The following SLIRP variants were observed in gnomAD, a reference collection of about 807,000 sequenced individuals.
The protein encoded by SLIRP is SRA stem-loop-interacting RNA-binding protein, mitochondrial.
In SLIRP, 12 loss-of-function variants were observed where a neutral mutation model predicts 13.4. The ratio of observed to expected loss-of-function variants is 0.89; its 90% CI spans 0.57 to 1.45. The LOEUF (loss-of-function observed/expected upper bound fraction) is 1.45, where lower values mean the gene tolerates loss of function less well. Ranked by LOEUF, SLIRP falls within the 40% of genes most tolerant of loss-of-function variation. The pLI, the probability that SLIRP is intolerant of heterozygous loss-of-function variation, is 0.00. For synonymous variants in SLIRP, 55 were observed against 47.1 expected (o/e 1.17, Z -0.69); for missense variants, 154 against 132.2 (o/e 1.17, Z -0.81).
At chr14:77,714,149 T>C (rs1228238279) in intron 2 of SLIRP, among the ~76,000 whole-genome samples, 1 of 151,696 alleles carries the variant, frequency 6.6e-6, no homozygotes, top group Admixed American at 6.6e-5. Context: ...CTGGGATTAG[T>C]CGTGTGCCAC....
chr14:77,708,207 G>A lies in SLIRP; in HGVS notation c.96G>A (p.Ser32=), dbSNP rs1450220994. Residue 32 remains serine (S), a splice_region_variant and synonymous_variant, in exon 1 of 4, where the codon TCG becomes TCA. Transcript: ENST00000557342. The part of the protein sequence containing the change: ...FVRRIPWTAA[S]SQLKEHFAQF... ...GAAGAATTCCTTGGACTGCGGCGTC[G>A]AGTGAGTGATGGAGATGTGGGAGTA... 1.2e-6 allele frequency: 2 copies of A among 1,614,124 alleles called. No individual in the cohort carries two copies. Among genetic ancestry groups the A allele is most frequent in the East Asian group, 2.2e-5 (1 of 44,884 alleles).
rs1372534747 is a variant in SLIRP at position 77,717,387 on chromosome 14, ACTGC to A, written c.265-105_265-102del. The A allele has an allele frequency of 6.6e-6, 6 of 905,144 alleles. No homozygotes were observed. The African/African-American group carries it at 8.4e-5, about 13-fold the overall frequency. 56.1% of individuals were successfully genotyped at this position (905,144 alleles called of 1,614,324 possible). ...ACGAAAGAACAAGGGACAAATAAAA[ACTGC>A]CTGGGTTATTCATTATTCATACTGA... On this transcript the variant is annotated intron_variant, in intron 3 of 3. Transcript: ENST00000557342.
intron 3 of SLIRP, among the ~76,000 whole-genome samples, chr14:77,717,227 A>G (rs555674750): frequency 6.6e-6 from 1 of 152,180 alleles, no homozygotes; most frequent in African/African-American, 2.4e-5. Context: ...GCCTCAAGCA[A>G]TCCTCTTGCC....
At chr14:77,717,253 G>A (rs2080493247) in intron 3 of SLIRP, among the ~76,000 whole-genome samples, 1 of 152,206 alleles carries the variant, frequency 6.6e-6, no homozygotes, top group Admixed American at 6.5e-5. Context: ...TTGCCAAAAT[G>A]CTGGCATTAC....
chr14:77,717,439 G>A, intron 3 of SLIRP, 57 bp from the exon 4 acceptor site: 1 of 1,442,832 alleles, frequency 6.9e-7, no homozygotes. Context: ...GTGATTTTCA[G>A]TTTGAATGTT....
chr14:77,717,207 T>A (rs2080492694), intron 3 of SLIRP, among the ~76,000 whole-genome samples: 1 of 152,186 alleles, frequency 6.6e-6, no homozygotes, highest in Non-Finnish European at 1.5e-5. Context: ...AGGGTGGTGT[T>A]GAACTCCTGG....
At chr14:77,710,682 T>C (rs2080432987) in intron 1 of SLIRP, 156 bp from the exon 2 acceptor site, 3 of 1,553,738 alleles carry the variant, frequency 1.9e-6, no homozygotes, top group African/African-American at 1.4e-5. Context: ...TATGGCTTTA[T>C]AGTCAGTACC....
At position 77,715,872 on chromosome 14, in the gene SLIRP, G is replaced by T. The variant is rs764243743; in HGVS notation, c.257G>T (p.Gly86Val). ...ALQQENHIID[G>V]VKVQVHTRRP... is the part of the protein sequence containing the mutation. ...CAACAGGAAAATCATATTATAGATG[G>T]AGTAAAGGTAAATTTATTTCTATGC... Residue 86 changes from glycine (G) to valine (V), a missense_variant, in exon 3 of 4, where the codon GGA becomes GTA. Coordinates refer to ENST00000557342, the MANE Select transcript of SLIRP (RefSeq NM_031210.6). 2 of 1,611,544 alleles carry T rather than the reference G, an allele frequency of 1.2e-6. No homozygotes were observed. Among genetic ancestry groups the T allele is most frequent in the East Asian group, 4.5e-5 (2 of 44,852 alleles).
chr14:77,713,062 A>G (rs1321851818), intron 2 of SLIRP, among the ~76,000 whole-genome samples: 1 of 152,194 alleles, frequency 6.6e-6, no homozygotes, highest in Non-Finnish European at 1.5e-5. Context: ...AACATGGGGA[A>G]TGCATGGAGA....
intron 2 of SLIRP, among the ~76,000 whole-genome samples, chr14:77,711,214 T>A (rs895395828): frequency 8.4e-6 from 1 of 119,348 alleles, no homozygotes; most frequent in Non-Finnish European, 1.8e-5. Context: ...TTTATATATA[T>A]AAATATATAA....
intron 2 of SLIRP, among the ~76,000 whole-genome samples, chr14:77,715,319 A>AAC (rs1288002271): frequency 6.6e-6 from 1 of 152,164 alleles, no homozygotes; most frequent in Admixed American, 6.5e-5. Flanking sequence ...AAGGGTGTAA[A>AAC]GCAAGGTTAC....
Position 77,712,440 on chromosome 14 carries a change from ATTTTTTTTTTTTT to A in SLIRP, c.156+1554_156+1566del, listed in dbSNP as rs55773743. ...AGGCATGCGCCACCACGACCGGCTAATTTTTTTTTTTTTTTTTTTTTTGAGACGGAGTCTCACT... is the reference window on the plus strand; with the variant it reads ...AGGCATGCGCCACCACGACCGGCTAATTTTTTTTTGAGACGGAGTCTCACT... On this transcript the variant is annotated intron_variant, in intron 2 of 3. Transcript: ENST00000557342. 4.6e-5 allele frequency among the ~76,000 whole-genome samples: 4 copies of A among 87,154 alleles called. No individual in the cohort carries two copies. In the East Asian group the frequency reaches 1.2e-3, roughly 26 times the overall value. The allele number at this position is 87,154 out of a possible 152,430, so 57.2% of individuals were successfully genotyped here. A position where few individuals can be genotyped will look rare whatever the true frequency, so the allele number is the denominator to read the frequency against.
intron 3 of SLIRP, 116 bp downstream of exon 3, chr14:77,715,995 C>T: frequency 1.2e-6 from 1 of 850,682 alleles, no homozygotes; most frequent in East Asian, 2.7e-5. Context: ...AGATTTGTAA[C>T]TGAAGCTGCC....
chr14:77,710,951 A>G (rs1277001137), intron 2 of SLIRP, 55 bp downstream of exon 2: 37 of 1,449,996 alleles, frequency 2.6e-5, no homozygotes, highest in Non-Finnish European at 3.6e-5. Flanking sequence ...GGTACAAAAA[A>G]AATAGAATGA....
rs2080494028 is a variant in SLIRP, at chr14:77,717,345, A to T, written c.265-151A>T. The T allele has an allele frequency of 6.0e-5, 41 of 681,970 alleles. No individual in the cohort carries two copies. In the South Asian group the frequency reaches 7.4e-4, roughly 12 times the overall value. The allele number at this position is 681,970 out of a possible 1,614,324, so 42.2% of individuals were successfully genotyped here. ...TCATAATACCAACAAAGATGGTAAA[A>T]GGAATTTGAGGAGAAAACGAAAGAA... On this transcript the variant is annotated intron_variant, in intron 3 of 3. Coordinates refer to ENST00000557342, the MANE Select transcript of SLIRP (RefSeq NM_031210.6).
At chr14:77,713,472 TATAGTGC>T (rs1466228836) in intron 2 of SLIRP, among the ~76,000 whole-genome samples, 1 of 152,242 alleles carries the variant, frequency 6.6e-6, no homozygotes, top group Admixed American at 6.5e-5. Context: ...ATTAGTTATA[TATAGTGC>T]CGGTGAAGGT....
intron 1 of SLIRP, among the ~76,000 whole-genome samples, chr14:77,710,377 A>C (rs1313908442): frequency 6.6e-6 from 1 of 152,190 alleles, no homozygotes; most frequent in Non-Finnish European, 1.5e-5. Flanking sequence ...GTTGTACTAG[A>C]GAGTAACTAG....
chr14:77,708,141 G>A lies in SLIRP; in HGVS notation c.30G>A (p.Ala10=), dbSNP rs1566820213. Residue 10 remains alanine, a synonymous_variant, in exon 1 of 4, where the codon GCG becomes GCA. Transcript: ENST00000557342. ...CGGCCTCAGCAGCGAGAGGTGCTGCGGCGCTGCGTAGAAGTATCAATCAGC... is the reference window on the plus strand; with the variant it reads ...CGGCCTCAGCAGCGAGAGGTGCTGCAGCGCTGCGTAGAAGTATCAATCAGC... The part of the protein sequence containing the change: MAASAARGA[A]ALRRSINQPV... 1.2e-6 allele frequency: 2 copies of A among 1,614,034 alleles called. No homozygotes were observed. Among genetic ancestry groups the A allele is most frequent in the South Asian group, 1.1e-5 (1 of 91,082 alleles).
chr14:77,708,219 G>T lies in SLIRP; in HGVS notation c.97+11G>T. 1 of 1,613,384 alleles carries T rather than the reference G, an allele frequency of 6.2e-7. No homozygotes were observed. On this transcript the variant is annotated intron_variant, in intron 1 of 3. Coordinates refer to ENST00000557342, the MANE Select transcript of SLIRP (RefSeq NM_031210.6). ...GGACTGCGGCGTCGAGTGAGTGATG[G>T]AGATGTGGGAGTAGTGGAATTTTTA...
Sources: allele counts gnomAD v4.1 joint callset (sites outside exome capture counted in the v4.1 genomes callset), GRCh38; gene constraint gnomAD v4.1.1; transcripts MANE v1.5; gene names NCBI Gene and HGNC (gene_info 2026-07-23, HGNC 2026-07-21).